The following SLC35F2 variants were observed in gnomAD, a reference collection of about 807,000 sequenced individuals.
The protein encoded by SLC35F2 is solute carrier family 35 member F2, also known as queuine/queuosine transporter SLC35F2.
Under a neutral mutation model 38.1 loss-of-function variants are expected in SLC35F2, and 25 were observed. The observed-to-expected ratio is 0.66, with a 90% CI of 0.48 to 0.92. The LOEUF is 0.92. Among genes scored for constraint, SLC35F2 ranks in the 40% least tolerant of loss-of-function variants. The probability of loss-of-function intolerance (pLI) is 0.00; values close to 1 mark genes in which losing one functional copy is unlikely to be tolerated. For missense variants in SLC35F2, 409 were observed against 452.9 expected, an observed-to-expected ratio of 0.90 and a Z score of 0.88; for synonymous variants, 173 against 181.7, an observed-to-expected ratio of 0.95 and a Z score of 0.38.
chr11:107,810,042 A>G (rs1476431862), intron 3 of SLC35F2: 2 of 985,334 alleles, frequency 2.0e-6, no homozygotes, highest in East Asian at 1.1e-4. Context: ...GGAATCCTTA[A>G]GAAGAAGGTT....
At chr11:107,812,058 T>C (rs1297547296) in intron 2 of SLC35F2, among the ~76,000 whole-genome samples, 1 of 151,954 alleles carries the variant, frequency 6.6e-6, no homozygotes, top group Non-Finnish European at 1.5e-5. Flanking sequence ...TACGCCACCA[T>C]ACCCACCTAA....
chr11:107,809,732 G>A, intron 3 of SLC35F2: 1 of 981,146 alleles, frequency 1.0e-6, no homozygotes. Context: ...ACAGTAAGCA[G>A]AGTACTAAGA....
intron 1 of SLC35F2, among the ~76,000 whole-genome samples, chr11:107,837,587 G>A (rs958326182): frequency 1.3e-5 from 2 of 151,652 alleles, no homozygotes; most frequent in Non-Finnish European, 2.9e-5. Flanking sequence ...CCAGCTACTC[G>A]GGAGGCTGAC....
At chr11:107,822,531 T>C (rs1859688930) in intron 1 of SLC35F2, among the ~76,000 whole-genome samples, 2 of 152,198 alleles carry the variant, frequency 1.3e-5, no homozygotes, top group East Asian at 3.9e-4. Context: ...CCAGAACACA[T>C]CGGGGAGCTC....
intron 3 of SLC35F2, among the ~76,000 whole-genome samples, chr11:107,809,103 A>T (rs1205291539): frequency 2.0e-5 from 3 of 152,170 alleles, no homozygotes; most frequent in African/African-American, 7.2e-5. Context: ...AGACGAAATG[A>T]TCACACAGTT....
In SLC35F2 at chr11:107,806,761, G is replaced by A; in HGVS notation, c.530C>T (p.Thr177Ile). 6.2e-7 allele frequency: 1 copy of A among 1,614,016 alleles called. No individual in the cohort carries two copies. Among genetic ancestry groups the A allele is most frequent in the Non-Finnish European group, 8.5e-7 (1 of 1,179,940 alleles). ...AVAVCLLGVG[T>I]MVGADILAGR... ...TGCTAGTATGTCTGCACCAACCATG[G>A]TTCCTACACCCAACAGACAGACAGC... is the stretch of plus-strand genomic sequence containing the variant. The change falls in exon 4 of 8, where the codon ACC (threonine) becomes ATC (isoleucine). Residue 177 changes from threonine to isoleucine, a missense_variant. By Grantham distance (89) the Thr-to-Ile change is moderately conservative. Transcript: ENST00000525815.
intron 1 of SLC35F2, among the ~76,000 whole-genome samples, chr11:107,844,356 G>T (rs1052443691): frequency 2.0e-4 from 30 of 151,996 alleles, no homozygotes; most frequent in Non-Finnish European, 3.8e-4. Context: ...GGCCAGCCAC[G>T]GTGGCTCCCG....
intron 1 of SLC35F2, among the ~76,000 whole-genome samples, chr11:107,855,499 A>T (rs1860262963): frequency 6.6e-6 from 1 of 152,056 alleles, no homozygotes; most frequent in Non-Finnish European, 1.5e-5. Flanking sequence ...CAAAAAATAC[A>T]AAATTAGCCA....
chr11:107,829,418 C>CAA (rs67129262), intron 1 of SLC35F2, among the ~76,000 whole-genome samples: 6 of 137,174 alleles, frequency 4.4e-5, no homozygotes, highest in Middle Eastern at 7.1e-3. Flanking sequence ...GACTACATCT[C>CAA]AAAAAAAAAA....
In SLC35F2 at chr11:107,806,854, G is replaced by A. The variant is rs771768470; in HGVS notation, c.437C>T (p.Pro146Leu). The A allele has an allele frequency of 3.7e-6, 6 of 1,613,712 alleles. No homozygotes were observed. The African/African-American group carries it at 8.0e-5, about 22-fold the overall frequency. The part of the protein sequence containing the change: ...SVQLLDCFGI[P>L]VLMALSWFIL... ...AAACCATGACAGAGCCATCAACACA[G>A]GAATCCCAAAGCAATCCAAAAGCTG... The change falls in exon 4 of 8, where the codon CCT (proline) becomes CTT (leucine). Residue 146 changes from proline (P) to leucine (L), a missense_variant. Coordinates refer to ENST00000525815, the MANE Select transcript of SLC35F2 (RefSeq NM_017515.5).
intron 1 of SLC35F2, among the ~76,000 whole-genome samples, chr11:107,830,351 C>A (rs1388878656): frequency 6.6e-6 from 1 of 151,870 alleles, no homozygotes; most frequent in Non-Finnish European, 1.5e-5. Flanking sequence ...TGTGGGAGGC[C>A]GAGGCGGGCA....
intron 1 of SLC35F2, among the ~76,000 whole-genome samples, chr11:107,839,749 G>A (rs1441243294): frequency 6.6e-6 from 1 of 152,024 alleles, no homozygotes; most frequent in Non-Finnish European, 1.5e-5. Flanking sequence ...TGCCTCCTGG[G>A]TTCAAGCGAT....
At chr11:107,809,796 A>C (rs1859454534) in intron 3 of SLC35F2, 1 of 985,262 alleles carries the variant, frequency 1.0e-6, no homozygotes, top group East Asian at 1.1e-4. Flanking sequence ...GAGGTACAAT[A>C]GAGTATAGAA....
intron 1 of SLC35F2, among the ~76,000 whole-genome samples, chr11:107,847,805 T>C (rs1860121468): frequency 6.6e-6 from 1 of 152,114 alleles, no homozygotes; most frequent in Admixed American, 6.6e-5. Context: ...GGCGCAGGTA[T>C]GGTGTGCACA....
intron 6 of SLC35F2, 88 bp downstream of exon 6, chr11:107,804,630 T>G (rs1859365875): frequency 1.0e-6 from 1 of 999,310 alleles, no homozygotes; most frequent in African/African-American, 1.6e-5. Context: ...CAAAGACGTC[T>G]AAATATTATT....
rs1046552663 is a variant in SLC35F2, at chr11:107,844,139, G to A, written c.110+14519C>T. ...TCTGTTTTTTGTTTGTTGCCCTATC[G>A]CAAAAGACAGAAAGGTACAGTGAGT... On this transcript the variant is annotated intron_variant, in intron 1 of 7. Coordinates refer to ENST00000525815, the MANE Select transcript of SLC35F2 (RefSeq NM_017515.5). Among the ~76,000 whole-genome samples, 14 of 151,874 alleles carry A rather than the reference G, an allele frequency of 9.2e-5. 1 individual carries two copies. The highest frequency in any genetic ancestry group is 4.2e-4 in the South Asian group (2 of 4,816).
intron 1 of SLC35F2, among the ~76,000 whole-genome samples, chr11:107,823,766 T>C (rs1859710722): frequency 1.3e-5 from 2 of 151,642 alleles, no homozygotes; most frequent in Non-Finnish European, 2.9e-5. Context: ...CCATATCTAC[T>C]AAAAGTACAA....
At chr11:107,840,938 A>G (rs641104) in intron 1 of SLC35F2, among the ~76,000 whole-genome samples, 137,598 of 152,104 alleles carry the variant, frequency 0.9, 62,429 homozygotes, top group African/African-American at 0.98. Context: ...GGAGGCGGCG[A>G]GGAGATTTCC....
chr11:107,792,288 G>A lies in SLC35F2; in HGVS notation c.*327C>T, dbSNP rs916784553. On this transcript the variant is annotated 3_prime_UTR_variant, in exon 8 of 8. Coordinates refer to ENST00000525815, the MANE Select transcript of SLC35F2 (RefSeq NM_017515.5). ...ACAGCCTGCTTTCCCGCCCTGGCCT[G>A]AGGCTGGCTCAGTCCTGGATCTCTC... 1 of 190,352 alleles carries A rather than the reference G, an allele frequency of 5.3e-6. No homozygotes were observed. The highest frequency in any genetic ancestry group is 2.3e-5 in the African/African-American group (1 of 42,656). 11.8% of individuals were successfully genotyped at this position (190,352 alleles called of 1,614,324 possible).
Sources: allele counts gnomAD v4.1 joint callset (sites outside exome capture counted in the v4.1 genomes callset), GRCh38; gene constraint gnomAD v4.1.1; transcripts MANE v1.5; gene names NCBI Gene and HGNC (gene_info 2026-07-23, HGNC 2026-07-21).